The following RORB variants were observed in gnomAD, a reference collection of about 807,000 sequenced individuals.
The protein encoded by RORB is nuclear receptor ROR-beta.
RORB carries 6 observed loss-of-function variants against 59.1 expected under a neutral mutation model. The ratio of observed to expected loss-of-function variants is 0.10; its 90% CI spans 0.06 to 0.20. The LOEUF is 0.20. Among genes scored for constraint, RORB ranks in the 10% least tolerant of loss-of-function variants. The probability of loss-of-function intolerance (pLI) is 1.00; values close to 1 mark genes in which losing one functional copy is unlikely to be tolerated. For missense variants in RORB, 320 were observed against 560.5 expected (o/e 0.57, Z 4.33); for synonymous variants, 215 against 204.5 (o/e 1.05, Z -0.44).
intron 1 of RORB, among the ~76,000 whole-genome samples, chr9:74,547,987 T>C (rs1430996397): frequency 6.6e-6 from 1 of 152,138 alleles, no homozygotes; most frequent in Non-Finnish European, 1.5e-5. Context: ...AGACCAGAAA[T>C]GTAGCTCTGA....
chr9:74,660,436 C>T (rs1044639869), intron 4 of RORB, among the ~76,000 whole-genome samples, 181 bp from the exon 5 acceptor site: 3 of 151,974 alleles, frequency 2.0e-5, no homozygotes, highest in African/African-American at 7.3e-5. Context: ...GATTAAAATA[C>T]TGAAAATTGA....
chr9:74,622,548 A>G (rs1823440287), intron 1 of RORB, among the ~76,000 whole-genome samples: 2 of 47,966 alleles, frequency 4.2e-5, no homozygotes, highest in Admixed American at 2.8e-4. Context: ...TTTTTTTGAG[A>G]CAGAGTCTCG....
intron 1 of RORB, among the ~76,000 whole-genome samples, chr9:74,625,769 C>T (rs1476386289): frequency 6.6e-6 from 1 of 152,172 alleles, no homozygotes; most frequent in Non-Finnish European, 1.5e-5. Context: ...TCTTGTCCCT[C>T]TCTTCAATGG....
At chr9:74,540,966 C>T (rs1826396855) in intron 1 of RORB, among the ~76,000 whole-genome samples, 1 of 151,968 alleles carries the variant, frequency 6.6e-6, no homozygotes, top group Admixed American at 6.6e-5. Flanking sequence ...TATGAAGGTG[C>T]CTGAGAAAAC....
intron 1 of RORB, among the ~76,000 whole-genome samples, chr9:74,548,933 A>T (rs542199314): frequency 2.0e-5 from 3 of 152,278 alleles, no homozygotes; most frequent in Admixed American, 1.3e-4. Flanking sequence ...TAATTGCATC[A>T]TTATTGGATA....
rs186693358 is a variant in RORB, at chr9:74,685,966, C to A, written c.*348C>A. 1 of 160,618 alleles carries A rather than the reference C, an allele frequency of 6.2e-6. No homozygotes were observed. Among genetic ancestry groups the A allele is most frequent in the Non-Finnish European group, 1.4e-5 (1 of 73,766 alleles). The allele number at this position is 160,618 out of a possible 1,614,324, so 9.9% of individuals were successfully genotyped here. A position where few individuals can be genotyped will look rare whatever the true frequency, so the allele number is the denominator to read the frequency against. On this transcript the variant is annotated 3_prime_UTR_variant, in exon 10 of 10. Transcript: ENST00000376896. Reference sequence around the variant, plus strand: ...GCGGTACTTTACATGATTACTTTTCCTGTTGATTGTTCAAATATAATTTAA... The same window carrying A: ...GCGGTACTTTACATGATTACTTTTCATGTTGATTGTTCAAATATAATTTAA...
chr9:74,654,817 T>C (rs1824054494), intron 4 of RORB, among the ~76,000 whole-genome samples: 1 of 152,100 alleles, frequency 6.6e-6, no homozygotes, highest in Non-Finnish European at 1.5e-5. Flanking sequence ...AGGGTCAAAG[T>C]TGAAAACAAA....
rs981071632 is a variant in RORB, at chr9:74,662,512, C to T, written c.798C>T (p.Ile266=). 3 of 1,614,072 alleles carry T rather than the reference C, an allele frequency of 1.9e-6. No individual in the cohort carries two copies. Among genetic ancestry groups the T allele is most frequent in the Non-Finnish European group, 8.5e-7 (1 of 1,179,950 alleles). Residue 266 remains isoleucine, a synonymous_variant, in exon 6 of 10, where the codon ATC becomes ATT. Transcript: ENST00000376896. ...TGTGGCAACAATGTGCCATCCAGAT[C>T]ACTCACGCCATCCAATACGTGGTGG... ...EALWQQCAIQ[I]THAIQYVVEF...
chr9:74,648,152 T>C (rs1823929862), intron 4 of RORB, among the ~76,000 whole-genome samples: 1 of 152,264 alleles, frequency 6.6e-6, no homozygotes, highest in East Asian at 1.9e-4. Flanking sequence ...TTGAACAATA[T>C]GGGAAAAGGA....
intron 4 of RORB, among the ~76,000 whole-genome samples, chr9:74,660,207 T>A (rs1315136429): frequency 6.6e-6 from 1 of 152,220 alleles, no homozygotes; most frequent in Non-Finnish European, 1.5e-5. Flanking sequence ...TATATTTTAA[T>A]GCCCCCTTTC....
intron 1 of RORB, among the ~76,000 whole-genome samples, chr9:74,505,364 A>C (rs931230855): frequency 2.0e-5 from 3 of 152,106 alleles, no homozygotes; most frequent in Admixed American, 1.3e-4. Context: ...CATCTTCCCC[A>C]AAATATTTCA....
chr9:74,540,149 T>TA (rs869262046), intron 1 of RORB, among the ~76,000 whole-genome samples: 17 of 152,156 alleles, frequency 1.1e-4, no homozygotes, highest in African/African-American at 3.9e-4. Context: ...TATACTTTTT[T>TA]AAAAAATATA....
Position 74,642,649 on chromosome 9 carries a change from C to T in RORB, c.471C>T (p.Asn157=), listed in dbSNP as rs138081728. Residue 157 remains asparagine (N), a synonymous_variant, in exon 4 of 10, where the codon AAC becomes AAT. Coordinates refer to ENST00000376896, the MANE Select transcript of RORB (RefSeq NM_006914.4). The part of the protein sequence containing the change: ...IDLPKSEGYY[N]VDSGQPSPDQ... The stretch of plus-strand genomic sequence containing the variant: ...TGCCCAAGTCTGAGGGTTATTACAA[C>T]GTCGATTCCGGTCAGCCGTCCCCTG... The T allele has an allele frequency of 1.8e-4, 290 of 1,614,200 alleles. 2 individuals are homozygous for T. In the East Asian group the frequency reaches 5.7e-3, roughly 32 times the overall value.
chr9:74,501,991 C>T (rs1314445934), intron 1 of RORB, among the ~76,000 whole-genome samples: 1 of 152,044 alleles, frequency 6.6e-6, no homozygotes, highest in African/African-American at 2.4e-5. Flanking sequence ...ATTAGAGAAT[C>T]CCTAAGAGAT....
intron 1 of RORB, among the ~76,000 whole-genome samples, chr9:74,587,941 G>A (rs1163885047): frequency 6.6e-6 from 1 of 152,078 alleles, no homozygotes; most frequent in East Asian, 1.9e-4. Flanking sequence ...AGACTAAACT[G>A]GCATGAGTTT....
intron 1 of RORB, among the ~76,000 whole-genome samples, chr9:74,530,959 T>C (rs1256195512): frequency 6.6e-6 from 1 of 151,914 alleles, no homozygotes; most frequent in Non-Finnish European, 1.5e-5. Context: ...TTTTATTATT[T>C]TCATTTGTTA....
chr9:74,623,999 G>A (rs1459774605), intron 1 of RORB, among the ~76,000 whole-genome samples: 1 of 152,154 alleles, frequency 6.6e-6, no homozygotes, highest in African/African-American at 2.4e-5. Context: ...TTGGTCTCAT[G>A]TTCTGTTGTT....
chr9:74,498,236 TC>T, intron 1 of RORB: 2 of 581,528 alleles, frequency 3.4e-6, no homozygotes, highest in Non-Finnish European at 6.1e-6. Flanking sequence ...GCTAGTTGGT[TC>T]TTACCAGTCC....
chr9:74,508,140 C>A (rs1825892700), intron 1 of RORB, among the ~76,000 whole-genome samples: 1 of 151,822 alleles, frequency 6.6e-6, no homozygotes, highest in Non-Finnish European at 1.5e-5. Context: ...GCACTTTTAT[C>A]CTTGCATATA....
Sources: allele counts gnomAD v4.1 joint callset (sites outside exome capture counted in the v4.1 genomes callset), GRCh38; gene constraint gnomAD v4.1.1; transcripts MANE v1.5; gene names NCBI Gene and HGNC (gene_info 2026-07-23, HGNC 2026-07-21).